Variants in TBCD observed in about 807,000 individuals in gnomAD.
The protein encoded by TBCD is tubulin folding cofactor D, also known as tubulin-specific chaperone D.
A neutral mutation model predicts 169.3 loss-of-function variants in TBCD; 105 were observed. That is an observed-to-expected ratio of 0.62 (90% CI 0.53 to 0.73). The LOEUF is 0.73. TBCD is among the 30% of genes least tolerant of loss of function. The pLI is 0.00. For synonymous variants in TBCD, 700 were observed against 643.9 expected, an observed-to-expected ratio of 1.09 and a Z score of -1.32; for missense variants, 1,444 against 1,600.1, an observed-to-expected ratio of 0.90 and a Z score of 1.66.
intron 13 of TBCD, among the ~76,000 whole-genome samples, chr17:82,857,171 G>A (rs2056383681): frequency 6.6e-6 from 1 of 152,198 alleles, no homozygotes; most frequent in African/African-American, 2.4e-5. Context: ...GGTGTGAGGG[G>A]GTATCTTGTG....
At chr17:82,887,944 T>C (rs1484604412) in intron 15 of TBCD, among the ~76,000 whole-genome samples, 1 of 152,188 alleles carries the variant, frequency 6.6e-6, no homozygotes, top group African/African-American at 2.4e-5. Flanking sequence ...GATTGTTTTT[T>C]GTAGTTCTTG....
intron 11 of TBCD, among the ~76,000 whole-genome samples, chr17:82,808,110 G>A (rs2051116960): frequency 6.6e-6 from 1 of 152,160 alleles, no homozygotes; most frequent in Non-Finnish European, 1.5e-5. Context: ...CATGCACCCT[G>A]CACCCCAGGC....
rs2063417111 is a variant in TBCD, at chr17:82,942,613, C to T, written c.*150C>T. 1.0e-6 allele frequency: 1 copy of T among 962,898 alleles called. No individual in the cohort carries two copies. The highest frequency in any genetic ancestry group is 1.4e-5 in the South Asian group (1 of 70,392). 59.6% of individuals were successfully genotyped at this position (962,898 alleles called of 1,614,324 possible). On this transcript the variant is annotated 3_prime_UTR_variant, in exon 39 of 39. Transcript: ENST00000355528. ...AGGCTGGCACTAGCTGACAGCTTTT[C>T]CTCTCTGCACCTGCGCTCTGGTGAC...
chr17:82,846,491 C>G (rs1436133653), intron 13 of TBCD, among the ~76,000 whole-genome samples: 4 of 151,440 alleles, frequency 2.6e-5, no homozygotes, highest in Admixed American at 2.6e-4. Context: ...CTTCCTGCTG[C>G]TGCAGGGCCC....
At chr17:82,937,758 G>T in intron 35 of TBCD, 2 of 1,041,640 alleles carry the variant, frequency 1.9e-6, no homozygotes, top group South Asian at 3.5e-5. Flanking sequence ...CACCTTGGCT[G>T]CTCTGTGGCT....
chr17:82,811,398 A>G (rs1241030929), intron 12 of TBCD, among the ~76,000 whole-genome samples: 1 of 151,924 alleles, frequency 6.6e-6, no homozygotes, highest in Non-Finnish European at 1.5e-5. Context: ...GTCTAGTTTC[A>G]TTTTTCCTGG....
At position 82,800,980 on chromosome 17, in the gene TBCD, A is replaced by G; in HGVS notation, c.934A>G (p.Lys312Glu). The G allele has an allele frequency of 6.2e-7, 1 of 1,609,810 alleles. No individual in the cohort carries two copies. The highest frequency in any genetic ancestry group is 8.5e-7 in the Non-Finnish European group (1 of 1,178,572). ...ACTGGGGCTGACATTCCTGAAGCCG[A>G]AGGTGGCAGCATGGAGGTAGGCACC... The part of the protein sequence containing the change: ...QRLGLTFLKP[K>E]VAAWRYQRGC... The change falls in exon 9 of 39, where the codon AAG becomes GAG. Residue 312 changes from lysine (K) to glutamate (E), a missense_variant. Lys to Glu is a moderately conservative substitution (Grantham distance 56, BLOSUM62 1). Coordinates refer to ENST00000355528, the MANE Select transcript of TBCD (RefSeq NM_005993.5).
rs916058616 is a variant in TBCD, at chr17:82,832,049, A to G, written c.1318+17115A>G. 14 of 1,613,676 alleles carry G rather than the reference A, an allele frequency of 8.7e-6. No individual in the cohort carries two copies. The highest frequency in any genetic ancestry group is 5.0e-5 in the Admixed American group (3 of 59,994). On this transcript the variant is annotated intron_variant, in intron 13 of 38. Transcript: ENST00000355528. The surrounding 1 kb of genome is among the most constrained non-coding windows in gnomAD (Gnocchi z 4.9). ...TCCGGAGCTGGGCTCTTGCAGGGTGATGCCCTGTGGAGGGCTGGCTTCTGT... is the reference window on the plus strand; with the variant it reads ...TCCGGAGCTGGGCTCTTGCAGGGTGGTGCCCTGTGGAGGGCTGGCTTCTGT...
Position 82,930,066 on chromosome 17 carries a change from G to T in TBCD, c.2992-456G>T. 3.8e-6 allele frequency: 1 copy of T among 261,790 alleles called. No homozygotes were observed. Among genetic ancestry groups the T allele is most frequent in the Non-Finnish European group, 7.5e-6 (1 of 134,148 alleles). The allele number at this position is 261,790 out of a possible 1,614,324, so 16.2% of individuals were successfully genotyped here. ...TAACAGGACGTGAGGTGCCCTCTGCGCCGTGTGGGCGCGTGCGGGGAGACC... is the reference window on the plus strand; with the variant it reads ...TAACAGGACGTGAGGTGCCCTCTGCTCCGTGTGGGCGCGTGCGGGGAGACC... On this transcript the variant is annotated intron_variant, in intron 32 of 38. Transcript: ENST00000355528. The surrounding 1 kb of genome is among the most constrained non-coding windows in gnomAD (Gnocchi z 5.2).
At chr17:82,869,435 G>A (rs190402526) in intron 13 of TBCD, among the ~76,000 whole-genome samples, 113 of 152,236 alleles carry the variant, frequency 7.4e-4, no homozygotes, top group Admixed American at 1.2e-3. Flanking sequence ...AGGGAGGATC[G>A]CTTGAGCCTG....
At chr17:82,921,274 A>G (rs1021849357) in intron 24 of TBCD, 2 of 562,526 alleles carry the variant, frequency 3.6e-6, no homozygotes, top group African/African-American at 3.7e-5. Context: ...AATTTACAGA[A>G]TGCTGGTATT....
chr17:82,882,646 C>T (rs751421526), intron 14 of TBCD, among the ~76,000 whole-genome samples: 13 of 152,200 alleles, frequency 8.5e-5, no homozygotes, highest in African/African-American at 3.1e-4. Flanking sequence ...ACAGACAGTG[C>T]GAGATGCAGG....
At chr17:82,907,691 C>G in intron 20 of TBCD, 70 bp from the exon 21 acceptor site, 2 of 1,549,264 alleles carry the variant, frequency 1.3e-6, no homozygotes, top group Non-Finnish European at 1.8e-6. Flanking sequence ...GTGGCCTCAG[C>G]TCCTCCGAGT....
intron 7 of TBCD, among the ~76,000 whole-genome samples, chr17:82,785,090 G>A (rs1187500284): frequency 2.5e-5 from 2 of 80,428 alleles, no homozygotes; most frequent in South Asian, 4.2e-4. Flanking sequence ...CCCACCCATC[G>A]CAGCGGGAGG....
At chr17:82,814,041 G>T (rs2051666589) in intron 12 of TBCD, among the ~76,000 whole-genome samples, 1 of 152,196 alleles carries the variant, frequency 6.6e-6, no homozygotes, top group Non-Finnish European at 1.5e-5. Context: ...AATCAGGAGA[G>T]CTTCTGAACC....
chr17:82,888,245 G>A (rs1055431252), intron 15 of TBCD, among the ~76,000 whole-genome samples: 2 of 152,178 alleles, frequency 1.3e-5, no homozygotes, highest in Non-Finnish European at 2.9e-5. Context: ...TTCTGCCAGC[G>A]CACACTGTGT....
At chr17:82,817,834 A>T (rs1406643032) in intron 13 of TBCD, among the ~76,000 whole-genome samples, 1 of 152,212 alleles carries the variant, frequency 6.6e-6, no homozygotes, top group African/African-American at 2.4e-5. Context: ...TTCTGGTGTC[A>T]TAGCTAAGAA....
At chr17:82,900,857 A>C in intron 18 of TBCD, 126 bp downstream of exon 18, 2 of 720,120 alleles carry the variant, frequency 2.8e-6, no homozygotes, top group Non-Finnish European at 4.7e-6. Flanking sequence ...ACTTCTGAGA[A>C]GTAATATGAA....
At chr17:82,841,259 T>A (rs1165007091) in intron 13 of TBCD, among the ~76,000 whole-genome samples, 3 of 151,978 alleles carry the variant, frequency 2.0e-5, no homozygotes, top group Non-Finnish European at 4.4e-5. Context: ...TTGTTTTTGT[T>A]ATTTTTTTCC....
Sources: gnomAD v4.1 joint callset for allele counts (sites outside exome capture counted in the v4.1 genomes callset) on GRCh38, gnomAD v4.1.1 for gene constraint, Gnocchi (gnomAD v3.1) non-coding constraint, MANE v1.5 for transcripts, NCBI Gene and HGNC (gene_info 2026-07-23, HGNC 2026-07-21) for gene names.